The following ZNRF3 variants were observed in gnomAD, a reference collection of about 807,000 sequenced individuals.
ZNRF3 encodes E3 ubiquitin-protein ligase ZNRF3.
In ZNRF3, 23 loss-of-function variants were observed where a neutral mutation model predicts 72.5. That is an observed-to-expected ratio of 0.32 (90% CI 0.23 to 0.45). The LOEUF (loss-of-function observed/expected upper bound fraction) is 0.45, where lower values mean the gene tolerates loss of function less well. Ranked by LOEUF, ZNRF3 falls within the 20% of genes least tolerant of loss-of-function variation. The pLI, the probability that ZNRF3 is intolerant of heterozygous loss-of-function variation, is 1.00. For missense variants in ZNRF3, 1,169 were observed against 1,272.1 expected (o/e 0.92, Z 1.23); for synonymous variants, 610 against 545.3 (o/e 1.12, Z -1.65).
intron 2 of ZNRF3, among the ~76,000 whole-genome samples, chr22:29,011,593 G>C (rs1569280564): frequency 6.6e-6 from 1 of 152,182 alleles, no homozygotes; most frequent in African/African-American, 2.4e-5. Context: ...TTATCTTTAG[G>C]TTCTGAATGG....
chr22:28,898,645 A>T (rs555763666), intron 1 of ZNRF3, among the ~76,000 whole-genome samples: 1 of 152,250 alleles, frequency 6.6e-6, no homozygotes, highest in African/African-American at 2.4e-5. Flanking sequence ...ACAAATGTAT[A>T]TGAGTCTTTA....
chr22:29,046,725 A>G lies in ZNRF3; in HGVS notation c.754A>G (p.Asn252Asp), dbSNP rs763998247. The G allele has an allele frequency of 6.2e-7, 1 of 1,604,824 alleles. No homozygotes were observed. Among genetic ancestry groups the G allele is most frequent in the South Asian group, 1.1e-5 (1 of 88,522 alleles). Residue 252 changes from asparagine (N) to aspartate (D), a missense_variant, in exon 6 of 9, where the codon AAC becomes GAC. Physicochemically the swap from Asn to Asp is conservative, Grantham distance 23. This residue lies in a region of ZNRF3 where 386 missense variants were observed against 540.7 expected (regional missense o/e 0.71). Transcript: ENST00000544604. ...ACATTCTGCCCTGCAGAATTCCATG[A>G]ACAGGCTGGCTGTGCAGGCTCTAGA... is the stretch of plus-strand genomic sequence containing the variant. ...LKQRRSQNSMNRLAVQALEKM... is the reference protein window; with the variant it reads ...LKQRRSQNSMDRLAVQALEKM...
intron 1 of ZNRF3, among the ~76,000 whole-genome samples, chr22:28,913,780 AGTAGCCTGTCTTGTAGGCATTTT>A (rs1407868561): frequency 6.6e-6 from 1 of 152,216 alleles, no homozygotes; most frequent in Non-Finnish European, 1.5e-5. Flanking sequence ...AATAATGTCA[AGTAGCCTGTCTTGTAGGCATTTT>A]GTAGCCTGTC....
intron 2 of ZNRF3, among the ~76,000 whole-genome samples, chr22:29,038,051 A>G (rs2036895583): frequency 6.6e-6 from 1 of 152,064 alleles, no homozygotes; most frequent in Non-Finnish European, 1.5e-5. Context: ...AACCATATCC[A>G]CCAGGCTGCA....
chr22:28,997,386 C>G (rs1460661922), intron 2 of ZNRF3, among the ~76,000 whole-genome samples: 1 of 147,458 alleles, frequency 6.8e-6, no homozygotes, highest in Non-Finnish European at 1.5e-5. Flanking sequence ...CATTTTTGGT[C>G]TTCAAAAATG....
chr22:29,043,887 T>A (rs1474334681), intron 4 of ZNRF3, among the ~76,000 whole-genome samples: 2 of 152,234 alleles, frequency 1.3e-5, no homozygotes, highest in Non-Finnish European at 2.9e-5. Flanking sequence ...CAAGTTAATT[T>A]GAGTCTGGAA....
chr22:28,930,109 T>C (rs1236808236), intron 1 of ZNRF3, among the ~76,000 whole-genome samples: 1 of 152,236 alleles, frequency 6.6e-6, no homozygotes, highest in Non-Finnish European at 1.5e-5. Flanking sequence ...TGCTTTTTTT[T>C]GTCTTCCAAA....
chr22:28,960,482 C>T (rs1387495544), intron 1 of ZNRF3, among the ~76,000 whole-genome samples: 1 of 152,156 alleles, frequency 6.6e-6, no homozygotes, highest in African/African-American at 2.4e-5. Flanking sequence ...AGCTGGAGAG[C>T]TACTGTTAAT....
At chr22:28,903,509 C>A (rs1262772290) in intron 1 of ZNRF3, among the ~76,000 whole-genome samples, 1 of 152,144 alleles carries the variant, frequency 6.6e-6, no homozygotes, top group East Asian at 1.9e-4. Flanking sequence ...CTTAACCCCC[C>A]AAATTAGACA....
intron 1 of ZNRF3, among the ~76,000 whole-genome samples, chr22:28,938,650 T>G (rs2034885769): frequency 6.6e-6 from 1 of 152,196 alleles, no homozygotes; most frequent in Admixed American, 6.5e-5. Context: ...GGGTGAACAT[T>G]GCTTGGTTTA....
At chr22:29,024,124 C>T (rs543454271) in intron 2 of ZNRF3, among the ~76,000 whole-genome samples, 1 of 152,208 alleles carries the variant, frequency 6.6e-6, no homozygotes, top group African/African-American at 2.4e-5. Flanking sequence ...TTACTCTTTC[C>T]TTTTCCTGGG....
At position 29,049,067 on chromosome 22, in the gene ZNRF3, T is replaced by C; in HGVS notation, c.1016-130T>C. On this transcript the variant is annotated intron_variant, in intron 7 of 8. Transcript: ENST00000544604. This position sits in a 1 kb window ranked among gnomAD's most constrained non-coding sequence, Gnocchi z 5.2. ...GCTGCAGCTCAGTTTGGGGGCAGGG[T>C]TGTGAGAATGGGTACCTTGGCAGGT... 9.6e-7 allele frequency: 1 copy of C among 1,037,514 alleles called. No individual in the cohort carries two copies. Among genetic ancestry groups the C allele is most frequent in the Non-Finnish European group, 1.4e-6 (1 of 711,358 alleles). The allele number at this position is 1,037,514 out of a possible 1,614,324, so 64.3% of individuals were successfully genotyped here. A position where few individuals can be genotyped will look rare whatever the true frequency, so the allele number is the denominator to read the frequency against.
intron 1 of ZNRF3, among the ~76,000 whole-genome samples, chr22:28,885,338 G>T (rs983564193): frequency 1.3e-5 from 2 of 152,040 alleles, no homozygotes; most frequent in Non-Finnish European, 2.9e-5. Context: ...TGCCTTACCG[G>T]GCTCTTATCC....
At chr22:28,901,186 T>G (rs1181495181) in intron 1 of ZNRF3, among the ~76,000 whole-genome samples, 1 of 152,216 alleles carries the variant, frequency 6.6e-6, no homozygotes, top group Non-Finnish European at 1.5e-5. Flanking sequence ...AAAGAGCCTC[T>G]TTGTTTGAAT....
intron 1 of ZNRF3, among the ~76,000 whole-genome samples, chr22:28,965,782 C>G (rs2035448333): frequency 6.6e-6 from 1 of 152,140 alleles, no homozygotes; most frequent in Non-Finnish European, 1.5e-5. Context: ...CAAAAGCTGT[C>G]TCATAAGTCA....
chr22:29,040,493 C>CTT (rs563459735), intron 2 of ZNRF3, among the ~76,000 whole-genome samples: 9 of 146,018 alleles, frequency 6.2e-5, no homozygotes, highest in Admixed American at 2.1e-4. Context: ...CCCCCACCGC[C>CTT]TTTTTTTTTT....
chr22:29,049,497 C>G lies in ZNRF3; in HGVS notation c.1316C>G (p.Ala439Gly). Residue 439 changes from alanine (A) to glycine (G), a missense_variant, in exon 8 of 9, where the codon GCC (alanine) becomes GGC (glycine). Coordinates refer to ENST00000544604, the MANE Select transcript of ZNRF3 (RefSeq NM_001206998.2). This position sits in a 1 kb window ranked among gnomAD's most constrained non-coding sequence, Gnocchi z 5.2. Reference sequence around the variant, plus strand: ...CACCGCTGCGGCCTGGAGCACCGGGCCTACTCCCCAGCCCACCCCTTCCGC... The same window carrying G: ...CACCGCTGCGGCCTGGAGCACCGGGGCTACTCCCCAGCCCACCCCTTCCGC... ...AAHRCGLEHR[A>G]YSPAHPFRRP... 6.2e-7 allele frequency: 1 copy of G among 1,604,928 alleles called. No individual in the cohort carries two copies. Among genetic ancestry groups the G allele is most frequent in the Non-Finnish European group, 8.5e-7 (1 of 1,179,640 alleles).
chr22:28,889,081 C>T (rs1328422137), intron 1 of ZNRF3, among the ~76,000 whole-genome samples: 3 of 151,850 alleles, frequency 2.0e-5, no homozygotes, highest in Admixed American at 1.3e-4. Context: ...CACCACTGCA[C>T]TCCGGCTTGG....
Position 29,050,773 on chromosome 22 carries a change from A to C in ZNRF3, c.2592A>C (p.Pro864=). The C allele has an allele frequency of 6.2e-7, 1 of 1,607,142 alleles. No homozygotes were observed. Among genetic ancestry groups the C allele is most frequent in the Non-Finnish European group, 8.5e-7 (1 of 1,177,082 alleles). Residue 864 remains proline, a synonymous_variant, in exon 8 of 9, where the codon CCA becomes CCC. Transcript: ENST00000544604. ...GTGGGACGCGAGGCCCGGATACCCC[A>C]CGGCCCCACAGGGGCCTGGGAGCAA... is the stretch of plus-strand genomic sequence containing the variant. ...SWGGTRGPDT[P]RPHRGLGATR...
Sources: gnomAD v4.1 joint callset for allele counts (sites outside exome capture counted in the v4.1 genomes callset) on GRCh38, gnomAD v4.1.1 for gene constraint, gnomAD v4.1.1 regional missense constraint, Gnocchi (gnomAD v3.1) non-coding constraint, MANE v1.5 for transcripts, NCBI Gene and HGNC (gene_info 2026-07-23, HGNC 2026-07-21) for gene names.